Variants in PPP2R2B observed in about 807,000 individuals in gnomAD.
PPP2R2B encodes protein phosphatase 2 regulatory subunit Bbeta.
PPP2R2B carries 5 observed loss-of-function variants against 46.0 expected under a neutral mutation model. That is an observed-to-expected ratio of 0.11 (90% CI 0.06 to 0.23). The LOEUF is 0.23. Ranked by LOEUF, PPP2R2B falls within the 10% of genes least tolerant of loss-of-function variation. The pLI is 1.00. For synonymous variants in PPP2R2B, 215 were observed against 206.7 expected (o/e 1.04, Z -0.34); for missense variants, 367 against 575.0 (o/e 0.64, Z 3.70).
intron 1 of PPP2R2B, among the ~76,000 whole-genome samples, chr5:147,013,344 A>C (rs937959940): frequency 2.0e-5 from 2 of 97,720 alleles, no homozygotes; most frequent in African/African-American, 6.2e-5. Flanking sequence ...CATCCCCATC[A>C]AGCTACCAAT....
Position 146,790,112 on chromosome 5 carries a change from T to A in PPP2R2B, c.70+87890A>T, listed in dbSNP as rs140468830. ...ATAATGTAGTCTAGTTAATTGCCCT[T>A]CGGGACTGCTCTGTGTATGAATGTA... On this transcript the variant is annotated intron_variant, in intron 2 of 9. Coordinates refer to ENST00000394411, the MANE Select transcript of PPP2R2B (RefSeq NM_181675.4). Among the ~76,000 whole-genome samples, 243 of 152,314 alleles carry A rather than the reference T, an allele frequency of 1.6e-3. 3 individuals are homozygous for A. The highest frequency in any genetic ancestry group is 8.1e-3 in the East Asian group (42 of 5,178).
chr5:146,891,175 T>C (rs1028424675), intron 1 of PPP2R2B, among the ~76,000 whole-genome samples: 50 of 152,206 alleles, frequency 3.3e-4, no homozygotes, highest in Admixed American at 2.0e-3. Context: ...AGGCAAATGG[T>C]TAAAGGCATG....
intron 5 of PPP2R2B, among the ~76,000 whole-genome samples, chr5:146,667,295 G>T (rs1220962193): frequency 1.3e-5 from 2 of 149,854 alleles, no homozygotes; most frequent in Non-Finnish European, 3.0e-5. Flanking sequence ...AAGGTTTGCT[G>T]GTTCCAAGGA....
At chr5:147,047,818 C>A (rs551882692) in intron 1 of PPP2R2B, among the ~76,000 whole-genome samples, 1 of 152,302 alleles carries the variant, frequency 6.6e-6, no homozygotes, top group Admixed American at 6.5e-5. Context: ...GACCTTGATT[C>A]TTCCCATGGC....
chr5:146,681,158 A>T (rs550504582), intron 5 of PPP2R2B, among the ~76,000 whole-genome samples: 2 of 152,252 alleles, frequency 1.3e-5, no homozygotes, highest in African/African-American at 4.8e-5. Context: ...TGCACTAATT[A>T]TTTTCTACAA....
In PPP2R2B at chr5:146,821,318, T is replaced by G. The variant is rs75361530; in HGVS notation, c.70+56684A>C. Among the ~76,000 whole-genome samples the G allele has an allele frequency of 6.1e-3, 936 of 152,324 alleles. 11 individuals carry two copies. The highest frequency in any genetic ancestry group is 0.021 in the African/African-American group (887 of 41,566). ...GATGTCTCTTAAGGCTATTTTTATC[T>G]TCTGAGACCTCCTTTCTTCACTGTC... On this transcript the variant is annotated intron_variant, in intron 2 of 9. Coordinates refer to ENST00000394411, the MANE Select transcript of PPP2R2B (RefSeq NM_181675.4).
rs560734309 is a variant in PPP2R2B, at chr5:146,808,413, A to C, written c.70+69589T>G. 2.0e-5 allele frequency among the ~76,000 whole-genome samples: 3 copies of C among 152,286 alleles called. No individual in the cohort carries two copies. The East Asian group carries it at 5.8e-4, about 29-fold the overall frequency. ...AATTGCTGAAAATCATCACTCTATC[A>C]CTGGCCTTGTTCTGTGTTTCACTGC... On this transcript the variant is annotated intron_variant, in intron 2 of 9. Transcript: ENST00000394411.
intron 7 of PPP2R2B, among the ~76,000 whole-genome samples, chr5:146,605,520 T>TTTGGGAGTTGACAACGC (rs1414189074): frequency 2.6e-5 from 4 of 152,204 alleles, no homozygotes; most frequent in Non-Finnish European, 4.4e-5. Flanking sequence ...CCTCGACAAT[T>TTTGGGAGTTGACAACGC]TTGGGAGTTG....
At chr5:146,914,348 C>T (rs1158958347) in intron 1 of PPP2R2B, 1 of 152,144 alleles carries the variant, frequency 6.6e-6, no homozygotes, top group Non-Finnish European at 1.5e-5. Flanking sequence ...GGAGAACATC[C>T]ATGGGGTCCT....
At chr5:146,728,588 T>C (rs1752027848) in intron 2 of PPP2R2B, among the ~76,000 whole-genome samples, 1 of 152,172 alleles carries the variant, frequency 6.6e-6, no homozygotes, top group South Asian at 2.1e-4. Context: ...ATGGTTTGGC[T>C]GTGTCCCCAC....
chr5:147,061,991 G>A (rs1295176402), intron 2 of PPP2R2B, among the ~76,000 whole-genome samples: 1 of 151,664 alleles, frequency 6.6e-6, no homozygotes, highest in Non-Finnish European at 1.5e-5. Flanking sequence ...TCTGAGCCAT[G>A]GAAACATGAT....
chr5:146,959,164 CTT>C (rs1357475801), intron 1 of PPP2R2B, among the ~76,000 whole-genome samples: 2 of 152,118 alleles, frequency 1.3e-5, no homozygotes, highest in Admixed American at 6.5e-5. Flanking sequence ...AGTCTAAAGT[CTT>C]TGCCTTCAAA....
At chr5:147,051,980 C>A (rs1756849887) in intron 1 of PPP2R2B, among the ~76,000 whole-genome samples, 1 of 151,752 alleles carries the variant, frequency 6.6e-6, no homozygotes, top group African/African-American at 2.4e-5. Flanking sequence ...AATTCTGATA[C>A]CACTTTTGTA....
At chr5:146,887,703 A>C (rs1211752137) in intron 1 of PPP2R2B, among the ~76,000 whole-genome samples, 1 of 152,218 alleles carries the variant, frequency 6.6e-6, no homozygotes, top group African/African-American at 2.4e-5. Context: ...TTAGTTCAAC[A>C]TGTATACCTT....
At chr5:146,675,451 T>C (rs966079107) in intron 5 of PPP2R2B, among the ~76,000 whole-genome samples, 1 of 152,164 alleles carries the variant, frequency 6.6e-6, no homozygotes, top group Non-Finnish European at 1.5e-5. Context: ...TTAGTTGCAA[T>C]TGGTCTGTCT....
rs552883154 is a variant in PPP2R2B at position 146,782,382 on chromosome 5, G to C, written c.71-81240C>G. Among the ~76,000 whole-genome samples, 103 of 152,256 alleles carry C rather than the reference G, an allele frequency of 6.8e-4. No homozygotes were observed. In the East Asian group the frequency reaches 0.011, roughly 17 times the overall value. On this transcript the variant is annotated intron_variant, in intron 2 of 9. Coordinates refer to ENST00000394411, the MANE Select transcript of PPP2R2B (RefSeq NM_181675.4). Reference sequence around the variant, plus strand: ...TGAACCAACTTTACATTTAGAATATGCCAGTTTCTATATTAATCCAGGAAA... The same window carrying C: ...TGAACCAACTTTACATTTAGAATATCCCAGTTTCTATATTAATCCAGGAAA...
At chr5:146,824,233 G>C (rs1758435545) in intron 2 of PPP2R2B, among the ~76,000 whole-genome samples, 1 of 152,196 alleles carries the variant, frequency 6.6e-6, no homozygotes, top group Non-Finnish European at 1.5e-5. Flanking sequence ...CTAGAACATA[G>C]AGTCAGTCTC....
chr5:146,853,592 G>A (rs549968553), intron 2 of PPP2R2B, among the ~76,000 whole-genome samples: 1 of 152,118 alleles, frequency 6.6e-6, no homozygotes, highest in Non-Finnish European at 1.5e-5. Flanking sequence ...AACCCTAATT[G>A]AGTAACTAAT....
intron 2 of PPP2R2B, among the ~76,000 whole-genome samples, chr5:146,829,434 T>C (rs1758785438): frequency 6.6e-6 from 1 of 152,188 alleles, no homozygotes; most frequent in Non-Finnish European, 1.5e-5. Flanking sequence ...AATGGGTAAG[T>C]GTTCAGCATA....
Sources: allele counts gnomAD v4.1 joint callset (sites outside exome capture counted in the v4.1 genomes callset), GRCh38; gene constraint gnomAD v4.1.1; transcripts MANE v1.5; gene names NCBI Gene and HGNC (gene_info 2026-07-23, HGNC 2026-07-21).